Variants in ASTN1 observed in about 807,000 individuals in gnomAD.
ASTN1 encodes the protein astrotactin-1.
A neutral mutation model predicts 140.7 loss-of-function variants in ASTN1; 41 were observed. That is an observed-to-expected ratio of 0.29 (90% CI 0.23 to 0.38). ASTN1 has a LOEUF of 0.38. ASTN1 is among the 10% of genes least tolerant of loss of function. The pLI, the probability that ASTN1 is intolerant of heterozygous loss-of-function variation, is 1.00. For synonymous variants in ASTN1, 640 were observed against 652.2 expected, an observed-to-expected ratio of 0.98 and a Z score of 0.29; for missense variants, 1,479 against 1,678.8, an observed-to-expected ratio of 0.88 and a Z score of 2.08.
At chr1:176,970,674 G>T (rs759345278) in intron 8 of ASTN1, among the ~76,000 whole-genome samples, 1 of 152,022 alleles carries the variant, frequency 6.6e-6, no homozygotes, top group Non-Finnish European at 1.5e-5. Flanking sequence ...GATAAGCAGA[G>T]TGAGAGAGAA....
intron 1 of ASTN1, among the ~76,000 whole-genome samples, chr1:177,069,596 C>T (rs774956953): frequency 6.6e-6 from 1 of 152,130 alleles, no homozygotes; most frequent in African/African-American, 2.4e-5. Context: ...TCACTCTACG[C>T]TACTCTGTAC....
intron 20 of ASTN1, among the ~76,000 whole-genome samples, chr1:176,877,117 G>T (rs1459153604): frequency 6.6e-6 from 1 of 152,152 alleles, no homozygotes; most frequent in Non-Finnish European, 1.5e-5. Context: ...TCAGAACTTG[G>T]GTCTGAAGCC....
intron 8 of ASTN1, among the ~76,000 whole-genome samples, chr1:176,984,743 C>G (rs227997): frequency 0.58 from 87,428 of 152,040 alleles, 25,621 homozygotes; most frequent in African/African-American, 0.64. Context: ...TGCCTTTCTG[C>G]GACAAAACAG....
chr1:176,938,882 G>C (rs891241583), intron 14 of ASTN1, among the ~76,000 whole-genome samples: 1 of 152,150 alleles, frequency 6.6e-6, no homozygotes, highest in African/African-American at 2.4e-5. Flanking sequence ...GGGAGGCCGA[G>C]GCAGGCAGAT....
chr1:177,158,778 C>A (rs1683356945), intron 1 of ASTN1, among the ~76,000 whole-genome samples: 1 of 151,220 alleles, frequency 6.6e-6, no homozygotes, highest in Admixed American at 6.6e-5. Context: ...CTAAAATTGG[C>A]TGGGCGTGGT....
chr1:177,078,142 G>A (rs1270157674), intron 1 of ASTN1, among the ~76,000 whole-genome samples: 3 of 152,080 alleles, frequency 2.0e-5, no homozygotes, highest in Non-Finnish European at 4.4e-5. Context: ...CGATGGTAGG[G>A]AAAGGAGAGG....
intron 1 of ASTN1, among the ~76,000 whole-genome samples, chr1:177,134,819 AT>A (rs531258942): frequency 7.7e-4 from 117 of 152,320 alleles, no homozygotes; most frequent in African/African-American, 2.7e-3. Flanking sequence ...AGGTATAATC[AT>A]TATTTTCAGA....
At chr1:176,913,949 A>G (rs1159361457) in intron 16 of ASTN1, among the ~76,000 whole-genome samples, 2 of 152,204 alleles carry the variant, frequency 1.3e-5, no homozygotes, top group African/African-American at 2.4e-5. Context: ...AGAGACAAAC[A>G]ATTTAGCTAA....
At chr1:177,078,815 C>T (rs1484722869) in intron 1 of ASTN1, among the ~76,000 whole-genome samples, 1 of 152,002 alleles carries the variant, frequency 6.6e-6, no homozygotes, top group Non-Finnish European at 1.5e-5. Context: ...TTTTCTTTTG[C>T]CCACTCACAT....
intron 8 of ASTN1, among the ~76,000 whole-genome samples, chr1:176,980,772 G>A (rs1023864280): frequency 5.3e-5 from 8 of 151,958 alleles, no homozygotes; most frequent in Non-Finnish European, 1.2e-4. Context: ...TGACAGCCTT[G>A]GTAACTACCT....
chr1:177,083,936 A>G (rs1679298906), intron 1 of ASTN1, among the ~76,000 whole-genome samples: 1 of 152,156 alleles, frequency 6.6e-6, no homozygotes. Context: ...TCTGCAGCAT[A>G]TTTATCCTAA....
At chr1:177,050,311 G>C (rs562672875) in intron 2 of ASTN1, among the ~76,000 whole-genome samples, 1 of 152,158 alleles carries the variant, frequency 6.6e-6, no homozygotes, top group African/African-American at 2.4e-5. Context: ...CACCTCTCAG[G>C]CCACCTTAAG....
intron 16 of ASTN1, 133 bp from the exon 17 acceptor site, chr1:176,894,963 C>T: frequency 7.8e-7 from 1 of 1,274,754 alleles, no homozygotes; most frequent in Non-Finnish European, 1.1e-6. Flanking sequence ...GAATGTGATT[C>T]TGCCATCCCA....
At chr1:176,943,547 G>A (rs868549982) in intron 14 of ASTN1, among the ~76,000 whole-genome samples, 1 of 152,110 alleles carries the variant, frequency 6.6e-6, no homozygotes, top group Non-Finnish European at 1.5e-5. Context: ...ATTTAGGTGA[G>A]AGTAGCAATC....
intron 21 of ASTN1, among the ~76,000 whole-genome samples, chr1:176,874,050 C>G (rs565373194): frequency 1.3e-4 from 20 of 152,290 alleles, no homozygotes; most frequent in African/African-American, 4.3e-4. Flanking sequence ...GATGTCCCAC[C>G]ACCTGCTGCC....
At chr1:176,884,945 G>C (rs920110532) in intron 18 of ASTN1, among the ~76,000 whole-genome samples, 7 of 152,222 alleles carry the variant, frequency 4.6e-5, no homozygotes, top group Non-Finnish European at 1.0e-4. Context: ...AGTTGGTTTG[G>C]CTTCCATAAC....
chr1:176,958,513 G>T, intron 9 of ASTN1, 31 bp from the exon 10 acceptor site: 3 of 1,586,878 alleles, frequency 1.9e-6, no homozygotes, highest in South Asian at 2.3e-5. Context: ...AGGTGGTCAT[G>T]ACTGGGGGCA....
chr1:176,922,310 G>A (rs763232705), intron 16 of ASTN1, among the ~76,000 whole-genome samples: 9 of 150,774 alleles, frequency 6.0e-5, no homozygotes, highest in South Asian at 4.2e-4. Flanking sequence ...GGAACCAGCC[G>A]TGCAGACTTT....
At chr1:177,013,359 G>T (rs1197980479) in intron 8 of ASTN1, among the ~76,000 whole-genome samples, 1 of 152,108 alleles carries the variant, frequency 6.6e-6, no homozygotes, top group Non-Finnish European at 1.5e-5. Flanking sequence ...ACCTGTTCCA[G>T]AACATTTGCC....
Sources: allele counts gnomAD v4.1 joint callset (sites outside exome capture counted in the v4.1 genomes callset), GRCh38; gene constraint gnomAD v4.1.1; transcripts MANE v1.5; gene names NCBI Gene and HGNC (gene_info 2026-07-23, HGNC 2026-07-21).